Variants in TMEM63A observed in about 807,000 individuals in gnomAD.
TMEM63A encodes mechanosensitive cation channel TMEM63A.
In TMEM63A, 76 loss-of-function variants were observed where a neutral mutation model predicts 100.6. The observed-to-expected ratio is 0.76, with a 90% CI of 0.63 to 0.91. TMEM63A has a LOEUF of 0.91. TMEM63A is among the 40% of genes least tolerant of loss of function. TMEM63A has a pLI of 0.00. For synonymous variants in TMEM63A, 401 were observed against 401.1 expected, an observed-to-expected ratio of 1.00 and a Z score of 0.00; for missense variants, 876 against 1,008.8, an observed-to-expected ratio of 0.87 and a Z score of 1.78.
chr1:225,844,063 A>C (rs1668672850), downstream of TMEM63A, among the ~76,000 whole-genome samples: 1 of 152,084 alleles, frequency 6.6e-6, no homozygotes, highest in Admixed American at 6.5e-5. Flanking sequence ...TTAATAAGTA[A>C]AATGGAGATA....
chr1:225,851,903 T>G (rs1178462908), intron 20 of TMEM63A, among the ~76,000 whole-genome samples: 1 of 152,254 alleles, frequency 6.6e-6, no homozygotes, highest in Non-Finnish European at 1.5e-5. Context: ...CAGTCCTGAG[T>G]TCAAAGGCTG....
intron 20 of TMEM63A, among the ~76,000 whole-genome samples, chr1:225,851,472 T>C (rs1669338419): frequency 6.6e-6 from 1 of 152,030 alleles, no homozygotes; most frequent in Non-Finnish European, 1.5e-5. Flanking sequence ...TGAGTTCAAG[T>C]GATTCTCCTA....
At chr1:225,879,188 C>T (rs899916514) in intron 2 of TMEM63A, 32 bp downstream of exon 2, 1 of 152,360 alleles carries the variant, frequency 6.6e-6, no homozygotes, top group Non-Finnish European at 1.5e-5. Flanking sequence ...AGGCCACCAC[C>T]TACCCCTCCT....
At chr1:225,842,658 G>A (rs961253967), downstream of TMEM63A, among the ~76,000 whole-genome samples, 1 of 152,236 alleles carries the variant, frequency 6.6e-6, no homozygotes, top group African/African-American at 2.4e-5. Context: ...GGCCTGGTGG[G>A]TTGTTCCCAG....
At chr1:225,880,685 C>T (rs931694425) in intron 1 of TMEM63A, among the ~76,000 whole-genome samples, 4 of 152,212 alleles carry the variant, frequency 2.6e-5, no homozygotes, top group African/African-American at 9.6e-5. Flanking sequence ...CCAGAGTGGG[C>T]AGCAGGTGAC....
chr1:225,871,896 C>A (rs1670523587), intron 5 of TMEM63A, 91 bp downstream of exon 5: 1 of 964,872 alleles, frequency 1.0e-6, no homozygotes. Flanking sequence ...CCAGCACTTG[C>A]CGCTCAAGAT....
At chr1:225,842,501 C>A, downstream of TMEM63A, 3 of 1,530,998 alleles carry the variant, frequency 2.0e-6, no homozygotes, top group South Asian at 2.2e-5. Context: ...CCCCTGCAGT[C>A]ATGACCCTGG....
At chr1:225,848,866 T>C in intron 22 of TMEM63A, 31 bp downstream of exon 22, 1 of 1,527,722 alleles carries the variant, frequency 6.5e-7, no homozygotes, top group Non-Finnish European at 8.9e-7. Context: ...CTCCCAGGGC[T>C]TGACCGGGCA....
At position 225,845,694 on chromosome 1, in the gene TMEM63A, C is replaced by T. The variant is rs1576057102; in HGVS notation, c.*1245G>A. On this transcript the variant is annotated 3_prime_UTR_variant, in exon 25 of 25. Transcript: ENST00000366835. Reference sequence around the variant, plus strand: ...CTGGGGATGAGGCCACTGGCCAGGGCTATGCTGCACCAGACCAATGGCACC... The same window carrying T: ...CTGGGGATGAGGCCACTGGCCAGGGTTATGCTGCACCAGACCAATGGCACC... The T allele has an allele frequency of 4.8e-6, 2 of 413,326 alleles. No individual in the cohort carries two copies. The allele number at this position is 413,326 out of a possible 1,614,324, so 25.6% of individuals were successfully genotyped here.
intron 3 of TMEM63A, among the ~76,000 whole-genome samples, chr1:225,876,082 A>G: frequency 6.8e-6 from 1 of 146,476 alleles, no homozygotes; most frequent in Non-Finnish European, 1.5e-5. Flanking sequence ...AAAAAAAAAA[A>G]AAAAAAAAAA....
Position 225,862,322 on chromosome 1 carries a change from C to A in TMEM63A, c.981G>T (p.Met327Ile), listed in dbSNP as rs1220249059. 1 of 1,614,086 alleles carries A rather than the reference C, an allele frequency of 6.2e-7. No individual in the cohort carries two copies. Among genetic ancestry groups the A allele is most frequent in the Non-Finnish European group, 8.5e-7 (1 of 1,180,048 alleles). Residue 327 changes from methionine to isoleucine, a missense_variant, in exon 13 of 25, where the codon ATG (methionine) becomes ATT (isoleucine). By Grantham distance (10) the Met-to-Ile change is conservative. This residue lies in a region of TMEM63A where 487 missense variants were observed against 581.9 expected (regional missense o/e 0.84). Coordinates refer to ENST00000366835, the MANE Select transcript of TMEM63A (RefSeq NM_014698.3). The surrounding 1 kb of genome is among the most constrained non-coding windows in gnomAD (Gnocchi z 5.1). ...WEDAISYYTR[M>I]KDRLLERITE... ...TGATCCTCTCCAGCAGCCTGTCCTT[C>A]ATCCGTGTGTAGTAAGAGATGGCGT...
chr1:225,841,706 A>G (rs1488078531), downstream of TMEM63A, among the ~76,000 whole-genome samples: 2 of 150,848 alleles, frequency 1.3e-5, no homozygotes, highest in East Asian at 1.9e-4. Context: ...GGTTCAAGCA[A>G]TTTGCCTGCC....
chr1:225,872,971 G>A (rs1559050206), intron 4 of TMEM63A, among the ~76,000 whole-genome samples: 1 of 152,134 alleles, frequency 6.6e-6, no homozygotes. Context: ...TGGGATTATA[G>A]GTGTGAGCCA....
chr1:225,863,352 T>C (rs537753230), intron 10 of TMEM63A, among the ~76,000 whole-genome samples: 2 of 152,260 alleles, frequency 1.3e-5, no homozygotes, highest in South Asian at 2.1e-4. Flanking sequence ...CCGCTAGCCT[T>C]TTTTAGTAGT....
chr1:225,849,987 C>T lies in TMEM63A; in HGVS notation c.1996G>A (p.Ala666Thr). 1 of 1,614,218 alleles carries T rather than the reference C, an allele frequency of 6.2e-7. No homozygotes were observed. Among genetic ancestry groups the T allele is most frequent in the South Asian group, 1.1e-5 (1 of 91,088 alleles). Residue 666 changes from alanine to threonine, a missense_variant, in exon 21 of 25, where the codon GCC (alanine) becomes ACC (threonine). Transcript: ENST00000366835. ...PAKLEKGIHF[A>T]AVNQALAAPI... ...GCTGCCAAGGCCTGGTTCACAGCGG[C>T]AAAGTGGATCCCCTTCTCCAGCTTG...
At chr1:225,880,638 G>C (rs1671043779) in intron 1 of TMEM63A, among the ~76,000 whole-genome samples, 2 of 152,100 alleles carry the variant, frequency 1.3e-5, no homozygotes, top group Non-Finnish European at 1.5e-5. Flanking sequence ...ATATGCCGAG[G>C]GTAGGAAAGC....
chr1:225,848,660 G>A (rs1669153528), intron 22 of TMEM63A, 106 bp from the exon 23 acceptor site: 2 of 1,245,184 alleles, frequency 1.6e-6, no homozygotes, highest in Non-Finnish European at 2.3e-6. Flanking sequence ...AGTACCAGCT[G>A]GCACCAAGCT....
Position 225,877,615 on chromosome 1 carries a change from A to C in TMEM63A, c.-14-21T>G, listed in dbSNP as rs763518627. 8 of 1,590,220 alleles carry C rather than the reference A, an allele frequency of 5.0e-6. No homozygotes were observed. The South Asian group carries it at 7.9e-5, about 16-fold the overall frequency. Reference sequence around the variant, plus strand: ...CTTCCCTGGAGCACAGGACAACAGGACAAGGCAGACGTTCAGGGCTCAAAT... The same window carrying C: ...CTTCCCTGGAGCACAGGACAACAGGCCAAGGCAGACGTTCAGGGCTCAAAT... On this transcript the variant is annotated intron_variant, in intron 2 of 24. Transcript: ENST00000366835.
At chr1:225,866,116 C>A (rs1010767168) in intron 9 of TMEM63A, 149 bp from the exon 10 acceptor site, 17 of 738,764 alleles carry the variant, frequency 2.3e-5, no homozygotes, top group African/African-American at 7.0e-5. Context: ...GGGGAGCCCC[C>A]AAAGCATGTC....
Sources: gnomAD v4.1 joint callset for allele counts (sites outside exome capture counted in the v4.1 genomes callset) on GRCh38, gnomAD v4.1.1 for gene constraint, gnomAD v4.1.1 regional missense constraint, Gnocchi (gnomAD v3.1) non-coding constraint, MANE v1.5 for transcripts, NCBI Gene and HGNC (gene_info 2026-07-23, HGNC 2026-07-21) for gene names.